RANBP2: variants seen among roughly 807,000 people sequenced by gnomAD.
RANBP2 encodes the protein E3 SUMO-protein ligase RanBP2.
In RANBP2, 57 loss-of-function variants were observed where a neutral mutation model predicts 303.6. The observed-to-expected ratio is 0.19, with a 90% CI of 0.15 to 0.23. The LOEUF is 0.23. Among genes scored for constraint, RANBP2 ranks in the 10% least tolerant of loss-of-function variants. RANBP2 has a pLI of 1.00. For synonymous variants in RANBP2, 1,167 were observed against 1,301.5 expected (o/e 0.90, Z 2.23); for missense variants, 3,138 against 3,780.8 (o/e 0.83, Z 4.46).
At chr2:109,772,561 T>G in the RANBP2 span, among the ~76,000 whole-genome samples, 4,394 of 100,556 alleles carry the variant, frequency 0.044, 11 homozygotes, top group African/African-American at 0.12. Context: ...CTGGCATTCA[T>G]GTTGGGAATG....
the RANBP2 span, among the ~76,000 whole-genome samples, chr2:109,676,969 G>A: frequency 6.6e-6 from 1 of 151,728 alleles, no homozygotes; most frequent in Non-Finnish European, 1.5e-5. Context: ...TTTTTTTTCC[G>A]AAGCTGGAAT....
chr2:109,291,616 T>C, the RANBP2 span, among the ~76,000 whole-genome samples: 2 of 152,146 alleles, frequency 1.3e-5, no homozygotes, highest in Admixed American at 6.5e-5. Context: ...CTCCTCGTGG[T>C]GGGGAAATGT....
At chr2:108,804,562 A>T in the RANBP2 span, among the ~76,000 whole-genome samples, 1 of 152,288 alleles carries the variant, frequency 6.6e-6, no homozygotes, top group Admixed American at 6.5e-5. Flanking sequence ...CTGTTTTATT[A>T]TTCCATGATG....
At chr2:109,452,860 CCGGGAGG>C in the RANBP2 span, among the ~76,000 whole-genome samples, 1 of 148,314 alleles carries the variant, frequency 6.7e-6, no homozygotes, top group African/African-American at 2.5e-5. Context: ...GAGGCTGGTC[CCGGGAGG>C]CTGGTGCCAG....
At chr2:109,324,768 A>G in the RANBP2 span, among the ~76,000 whole-genome samples, 5 of 152,282 alleles carry the variant, frequency 3.3e-5, no homozygotes, top group Admixed American at 2.6e-4. Context: ...GAGAGCATGA[A>G]TGTCCAGACG....
chr2:109,357,571 A>G, the RANBP2 span, among the ~76,000 whole-genome samples: 4 of 152,296 alleles, frequency 2.6e-5, no homozygotes, highest in African/African-American at 7.2e-5. Flanking sequence ...CCGCATGTCT[A>G]CTAACACTAC....
chr2:109,443,605 G>C, the RANBP2 span, among the ~76,000 whole-genome samples: 1 of 152,160 alleles, frequency 6.6e-6, no homozygotes, highest in Non-Finnish European at 1.5e-5. Flanking sequence ...AGCTGGAGTG[G>C]TTATCTTAAT....
chr2:109,073,042 A>G, the RANBP2 span, among the ~76,000 whole-genome samples: 888 of 152,294 alleles, frequency 5.8e-3, 9 homozygotes, highest in African/African-American at 0.02. Flanking sequence ...ACAAACAGGA[A>G]ATATGCCATA....
the RANBP2 span, among the ~76,000 whole-genome samples, chr2:109,316,955 C>G: frequency 1.3e-5 from 2 of 152,070 alleles, no homozygotes; most frequent in Non-Finnish European, 2.9e-5. Context: ...TTTGAGGTTC[C>G]TCCATGTCTT....
chr2:109,393,885 G>GAA, the RANBP2 span, among the ~76,000 whole-genome samples: 1 of 145,732 alleles, frequency 6.9e-6, no homozygotes. Context: ...CCTTTTTTAA[G>GAA]AAAAAAAAAA....
the RANBP2 span, among the ~76,000 whole-genome samples, chr2:109,221,619 T>C: frequency 3.3e-5 from 5 of 151,010 alleles, no homozygotes; most frequent in Non-Finnish European, 4.4e-5. Flanking sequence ...ATCTTCCTGA[T>C]GGTTAGTAAT....
At position 108,765,850 on chromosome 2, in the gene RANBP2, C is replaced by T. The variant is rs371560504; in HGVS notation, c.5311C>T (p.Pro1771Ser). Residue 1771 changes from proline (P) to serine (S), a missense_variant, in exon 20 of 29, where the codon CCA becomes TCA. By Grantham distance (74) the Pro-to-Ser change is moderately conservative. Transcript: ENST00000283195. ...TGCCTCTTCGGAGATAAGCAAGGCTCCAAAGAGTGGATTTGAAGGAATGTT... is the reference window on the plus strand; with the variant it reads ...TGCCTCTTCGGAGATAAGCAAGGCTTCAAAGAGTGGATTTGAAGGAATGTT... The part of the protein sequence containing the change: ...TPASSEISKA[P>S]KSGFEGMFIR... 3.7e-6 allele frequency: 6 copies of T among 1,613,928 alleles called. No homozygotes were observed. Among genetic ancestry groups the T allele is most frequent in the Non-Finnish European group, 5.1e-6 (6 of 1,179,976 alleles).
At chr2:108,829,168 T>C in the RANBP2 span, among the ~76,000 whole-genome samples, 3 of 152,280 alleles carry the variant, frequency 2.0e-5, no homozygotes, top group South Asian at 4.1e-4. Flanking sequence ...TAAAAATGTT[T>C]GTGCATCAAC....
chr2:108,822,757 C>A, the RANBP2 span, among the ~76,000 whole-genome samples: 1 of 152,226 alleles, frequency 6.6e-6, no homozygotes, highest in Admixed American at 6.5e-5. Context: ...CAAAAAAATA[C>A]ATCATACCAA....
the RANBP2 span, among the ~76,000 whole-genome samples, chr2:109,050,364 C>T: frequency 3.9e-5 from 6 of 152,008 alleles, no homozygotes; most frequent in Non-Finnish European, 7.4e-5. Context: ...AGTAATCCTC[C>T]CACCTCAGCC....
chr2:109,219,169 G>T, the RANBP2 span, among the ~76,000 whole-genome samples: 12 of 152,196 alleles, frequency 7.9e-5, no homozygotes, highest in Non-Finnish European at 1.6e-4. Flanking sequence ...AGGATAGAGG[G>T]GCTACCGCCT....
the RANBP2 span, among the ~76,000 whole-genome samples, chr2:109,499,760 G>C: frequency 6.6e-6 from 1 of 152,150 alleles, no homozygotes; most frequent in African/African-American, 2.4e-5. Flanking sequence ...AGAGCAGGGG[G>C]GTGTGTGTGT....
chr2:108,772,808 T>G (rs1320127345), intron 22 of RANBP2, 60 bp from the exon 23 acceptor site: 4 of 1,548,018 alleles, frequency 2.6e-6, no homozygotes, highest in Middle Eastern at 1.9e-4. Context: ...TGACTACCAT[T>G]GTTGTAGAGA....
At chr2:108,776,981 A>T in intron 24 of RANBP2, 149 bp from the exon 25 acceptor site, 1 of 639,340 alleles carries the variant, frequency 1.6e-6, no homozygotes, top group East Asian at 2.9e-5. Context: ...GTAGCTCAGA[A>T]TTGGATGTAT....
Sources: allele counts gnomAD v4.1 joint callset (sites outside exome capture counted in the v4.1 genomes callset), GRCh38; gene constraint gnomAD v4.1.1; transcripts MANE v1.5; gene names NCBI Gene and HGNC (gene_info 2026-07-23, HGNC 2026-07-21).